Variants in CFAP20DC observed in about 807,000 individuals in gnomAD.
The protein encoded by CFAP20DC is CFAP20 domain containing.
Under a neutral mutation model 101.7 loss-of-function variants are expected in CFAP20DC, and 84 were observed. That is an observed-to-expected ratio of 0.83 (90% confidence interval 0.69 to 0.99). The LOEUF (loss-of-function observed/expected upper bound fraction) is 0.99. Ranked by LOEUF, CFAP20DC falls within the 50% of genes least tolerant of loss-of-function variation. The pLI is 0.00. For synonymous variants in CFAP20DC, 359 were observed against 351.2 expected (o/e 1.02, Z -0.25); for missense variants, 1,007 against 970.3 (o/e 1.04, Z -0.50).
chr3:58,880,606 T>C (rs922413037), intron 7 of CFAP20DC, among the ~76,000 whole-genome samples: 11 of 152,064 alleles, frequency 7.2e-5, no homozygotes, highest in African/African-American at 2.7e-4. Context: ...ATATTATGTT[T>C]TATATTATTA....
At chr3:58,789,703 G>T (rs2072687601) in intron 15 of CFAP20DC, among the ~76,000 whole-genome samples, 1 of 152,130 alleles carries the variant, frequency 6.6e-6, no homozygotes, top group South Asian at 2.1e-4. Flanking sequence ...ACTGATATGG[G>T]TGATAAATGG....
chr3:58,926,983 C>T (rs2086057320), intron 5 of CFAP20DC, among the ~76,000 whole-genome samples: 1 of 152,116 alleles, frequency 6.6e-6, no homozygotes, highest in Non-Finnish European at 1.5e-5. Flanking sequence ...CATCTGACAC[C>T]AGCATCAACT....
intron 4 of CFAP20DC, chr3:58,953,938 C>A (rs2090391632): frequency 6.6e-6 from 1 of 152,128 alleles, no homozygotes; most frequent in Admixed American, 6.5e-5. Context: ...AGTGAGCATT[C>A]ACAGCTAAGG....
At chr3:58,904,044 ATTGGAATTT>A (rs1410772280) in intron 6 of CFAP20DC, among the ~76,000 whole-genome samples, 1 of 152,156 alleles carries the variant, frequency 6.6e-6, no homozygotes, top group Non-Finnish European at 1.5e-5. Context: ...AAAAAAGCCC[ATTGGAATTT>A]TTGGAGAAAT....
intron 4 of CFAP20DC, among the ~76,000 whole-genome samples, chr3:59,037,918 C>T (rs574999370): frequency 3.7e-4 from 57 of 152,292 alleles, no homozygotes; most frequent in East Asian, 1.5e-3. Flanking sequence ...AAATGTAGCA[C>T]ATATGCACCA....
At chr3:58,823,447 A>G (rs2075827155) in intron 14 of CFAP20DC, among the ~76,000 whole-genome samples, 1 of 152,194 alleles carries the variant, frequency 6.6e-6, no homozygotes, top group Admixed American at 6.5e-5. Context: ...GACCATCATC[A>G]TAATAGCGGC....
Position 58,870,291 on chromosome 3 carries a change from C to T in CFAP20DC, c.734G>A (p.Gly245Glu). 6.2e-7 allele frequency: 1 copy of T among 1,613,828 alleles called. No homozygotes were observed. The highest frequency in any genetic ancestry group is 8.5e-7 in the Non-Finnish European group (1 of 1,179,822). Residue 245 changes from glycine to glutamate, a missense_variant, in exon 8 of 17, where the codon GGA (glycine) becomes GAA (glutamate). Gly to Glu is a moderately conservative substitution (Grantham distance 98). Transcript: ENST00000482387. Reference sequence around the variant, plus strand: ...TTTACTGTTCCGTGTAATACTTGTTCCTCTGTTAATGAACTGATCTGTTTT... The same window carrying T: ...TTTACTGTTCCGTGTAATACTTGTTTCTCTGTTAATGAACTGATCTGTTTT... ...SAESDQFINR[G>E]TSITRNSKNQ... is the part of the protein sequence containing the mutation.
intron 4 of CFAP20DC, among the ~76,000 whole-genome samples, chr3:58,980,538 A>C (rs941571023): frequency 1.3e-5 from 2 of 152,216 alleles, no homozygotes; most frequent in Non-Finnish European, 2.9e-5. Context: ...CTGGGATGCA[A>C]GGCTGGTTCA....
chr3:58,905,708 C>CA (rs2083518802), intron 6 of CFAP20DC, among the ~76,000 whole-genome samples: 2 of 152,064 alleles, frequency 1.3e-5, no homozygotes, highest in African/African-American at 4.8e-5. Context: ...GCACTTAATT[C>CA]AAAATTTTTA....
intron 4 of CFAP20DC, among the ~76,000 whole-genome samples, chr3:58,956,289 A>T (rs549035468): frequency 1.3e-5 from 2 of 152,048 alleles, no homozygotes; most frequent in South Asian, 4.2e-4. Context: ...CCTAGGCCAG[A>T]GGGGAGCCCA....
intron 14 of CFAP20DC, among the ~76,000 whole-genome samples, chr3:58,823,389 T>C (rs2075822001): frequency 6.6e-6 from 1 of 152,150 alleles, no homozygotes; most frequent in African/African-American, 2.4e-5. Flanking sequence ...CTAGAGAATA[T>C]CGTAAGTAGA....
chr3:59,039,698 C>A, intron 3 of CFAP20DC, 69 bp from the exon 4 acceptor site: 1 of 930,618 alleles, frequency 1.1e-6, no homozygotes, highest in Non-Finnish European at 1.6e-6. Flanking sequence ...CAAACACAAT[C>A]ACAAACCACG....
chr3:58,740,043 A>G (rs902747575), downstream of CFAP20DC, among the ~76,000 whole-genome samples: 1 of 152,132 alleles, frequency 6.6e-6, no homozygotes, highest in Admixed American at 6.5e-5. The surrounding 1 kb of genome is among the most constrained non-coding windows in gnomAD (Gnocchi z 4.6). Flanking sequence ...TGGAATCCCA[A>G]TTCTGGGATT....
Position 58,866,637 on chromosome 3 carries a change from G to T in CFAP20DC, c.1187C>A (p.Thr396Asn). 2 of 1,604,596 alleles carry T rather than the reference G, an allele frequency of 1.2e-6. No individual in the cohort carries two copies. The highest frequency in any genetic ancestry group is 1.7e-6 in the Non-Finnish European group (2 of 1,171,412). The change falls in exon 11 of 17, where the codon ACC becomes AAC. Residue 396 changes from threonine (T) to asparagine (N), a missense_variant. Transcript: ENST00000482387. ...RIEDKASTIL[T>N]TVSQQGAELL... Reference sequence around the variant, plus strand: ...CTCTGCTCCTTGTTGGGACACAGTGGTGAGGATAGTTGATGCTTTATCTTC... The same window carrying T: ...CTCTGCTCCTTGTTGGGACACAGTGTTGAGGATAGTTGATGCTTTATCTTC...
At chr3:58,923,396 C>A (rs2085602963) in intron 5 of CFAP20DC, among the ~76,000 whole-genome samples, 1 of 152,006 alleles carries the variant, frequency 6.6e-6, no homozygotes, top group Non-Finnish European at 1.5e-5. Flanking sequence ...TTAATATTTT[C>A]GTAGCATCAG....
intron 7 of CFAP20DC, among the ~76,000 whole-genome samples, chr3:58,883,911 T>C (rs1431213960): frequency 6.6e-6 from 1 of 152,208 alleles, no homozygotes; most frequent in African/African-American, 2.4e-5. Flanking sequence ...TACTACTCAT[T>C]AATTTGGTCA....
At chr3:58,806,167 G>A (rs907438364) in intron 15 of CFAP20DC, among the ~76,000 whole-genome samples, 5 of 152,142 alleles carry the variant, frequency 3.3e-5, no homozygotes, top group Non-Finnish European at 5.9e-5. Flanking sequence ...GGAGTCAAAT[G>A]ACTTACCCAA....
chr3:59,002,216 C>G lies in CFAP20DC; in HGVS notation c.278+37341G>C, dbSNP rs1411223682. Among the ~76,000 whole-genome samples the G allele has an allele frequency of 1.3e-5, 2 of 152,150 alleles. No individual in the cohort carries two copies. The highest frequency in any genetic ancestry group is 4.8e-5 in the African/African-American group (2 of 41,426). ...AAATGGAACAAAGGGGAATAAATAC[C>G]TCTTACTCCCAGTAGTTGAGGATAT... is the stretch of plus-strand genomic sequence containing the variant. On this transcript the variant is annotated intron_variant, in intron 4 of 16. Transcript: ENST00000482387. The surrounding 1 kb of genome is among the most constrained non-coding windows in gnomAD (Gnocchi z 4.5).
intron 12 of CFAP20DC, among the ~76,000 whole-genome samples, chr3:58,857,202 G>A (rs566001875): frequency 7.9e-5 from 12 of 152,306 alleles, no homozygotes; most frequent in African/African-American, 2.9e-4. Flanking sequence ...AATTTCAGAT[G>A]TACTATTTTG....
Sources: gnomAD v4.1 joint callset for allele counts (sites outside exome capture counted in the v4.1 genomes callset) on GRCh38, gnomAD v4.1.1 for gene constraint, Gnocchi (gnomAD v3.1) non-coding constraint, MANE v1.5 for transcripts, NCBI Gene and HGNC (gene_info 2026-07-23, HGNC 2026-07-21) for gene names.